The following CERT1 variants were observed in gnomAD, a reference collection of about 807,000 sequenced individuals.
The protein encoded by CERT1 is ceramide transporter 1.
CERT1 carries 31 observed loss-of-function variants against 87.9 expected under a neutral mutation model. The ratio of observed to expected loss-of-function variants is 0.35; its 90% CI spans 0.27 to 0.48. The LOEUF (loss-of-function observed/expected upper bound fraction) is 0.48. CERT1 is among the 20% of genes least tolerant of loss of function. CERT1 has a pLI of 0.99. For missense variants in CERT1, 487 were observed against 758.0 expected (o/e 0.64, Z 4.20); for synonymous variants, 289 against 250.9 (o/e 1.15, Z -1.44).
chr5:75,510,100 C>A (rs975803379), intron 1 of CERT1, among the ~76,000 whole-genome samples: 2 of 152,046 alleles, frequency 1.3e-5, no homozygotes, highest in Non-Finnish European at 2.9e-5. Flanking sequence ...AATATGAATA[C>A]TGGAAACAGG....
At chr5:75,396,367 A>T (rs1285698564) in intron 11 of CERT1, among the ~76,000 whole-genome samples, 1 of 152,236 alleles carries the variant, frequency 6.6e-6, no homozygotes, top group East Asian at 1.9e-4. Flanking sequence ...AAGATATTAT[A>T]AAACAAAGAA....
chr5:75,410,850 T>C (rs909157292), intron 8 of CERT1, 161 bp downstream of exon 8: 3 of 428,688 alleles, frequency 7.0e-6, no homozygotes, highest in African/African-American at 2.1e-5. Context: ...TGAGCATGCC[T>C]GGCATTTATA....
chr5:75,439,348 T>C (rs1334713786), intron 3 of CERT1, among the ~76,000 whole-genome samples: 1 of 151,900 alleles, frequency 6.6e-6, no homozygotes, highest in Non-Finnish European at 1.5e-5. Context: ...GAAAGTGGTA[T>C]AAAACATAGT....
In CERT1 at chr5:75,468,807, T is replaced by C. The variant is rs76596026; in HGVS notation, c.232-9626A>G. Among the ~76,000 whole-genome samples the C allele has an allele frequency of 2.1e-3, 317 of 152,316 alleles. 1 individual carries two copies. The East Asian group carries it at 0.027, about 13-fold the overall frequency. On this transcript the variant is annotated intron_variant, in intron 2 of 16. Transcript: ENST00000643780. ...ATGACCTGCCCAGGATCTAACAACATGCTTACTGATAAAGAGCCAGATAAA... is the reference window on the plus strand; with the variant it reads ...ATGACCTGCCCAGGATCTAACAACACGCTTACTGATAAAGAGCCAGATAAA...
At chr5:75,379,962 AG>A (rs949543804) in intron 16 of CERT1, among the ~76,000 whole-genome samples, 1 of 152,208 alleles carries the variant, frequency 6.6e-6, no homozygotes, top group Non-Finnish European at 1.5e-5. Context: ...CAAATAAGAA[AG>A]CATCTATAAC....
At chr5:75,375,758 A>AT (rs201765920), downstream of CERT1, 3 of 149,124 alleles carry the variant, frequency 2.0e-5, no homozygotes, top group Admixed American at 2.0e-4. Flanking sequence ...GAATGTTACT[A>AT]TTTTTTTCCA....
Position 75,379,119 on chromosome 5 carries a change from T to G in CERT1, c.*227A>C, listed in dbSNP as rs534529574. ...GATTGTTTGAGGCCAGAGGTTGAGGTTGCAGTGAGCCGTGATGGTGTCATT... is the reference window on the plus strand; with the variant it reads ...GATTGTTTGAGGCCAGAGGTTGAGGGTGCAGTGAGCCGTGATGGTGTCATT... On this transcript the variant is annotated 3_prime_UTR_variant, in exon 17 of 17. Transcript: ENST00000643780. 2.6e-4 allele frequency: 111 copies of G among 421,920 alleles called. No individual in the cohort carries two copies. Among genetic ancestry groups the G allele is most frequent in the African/African-American group, 2.1e-3 (106 of 49,694 alleles). 26.1% of individuals were successfully genotyped at this position (421,920 alleles called of 1,614,324 possible). A position where few individuals can be genotyped will look rare whatever the true frequency, so the allele number is the denominator to read the frequency against.
chr5:75,499,032 G>A (rs971568175), intron 2 of CERT1, among the ~76,000 whole-genome samples: 3 of 152,220 alleles, frequency 2.0e-5, no homozygotes, highest in Non-Finnish European at 2.9e-5. Context: ...TGGAGTCAAA[G>A]GAGATCATTT....
rs1194162986 is a variant in CERT1, at chr5:75,505,952, T to C, written c.231+30A>G. On this transcript the variant is annotated intron_variant, in intron 2 of 16. Coordinates refer to ENST00000643780, the MANE Select transcript of CERT1 (RefSeq NM_001379029.1). ...GTATGTAGCTGACACTCAATAAATA[T>C]TTGTTGAATGAAGAAGAAAAGGAAC... is the stretch of plus-strand genomic sequence containing the variant. 3 of 1,586,502 alleles carry C rather than the reference T, an allele frequency of 1.9e-6. No individual in the cohort carries two copies. The Admixed American group carries it at 5.0e-5, about 27-fold the overall frequency.
chr5:75,501,995 C>G (rs1251073656), intron 2 of CERT1, among the ~76,000 whole-genome samples: 1 of 151,958 alleles, frequency 6.6e-6, no homozygotes, highest in Non-Finnish European at 1.5e-5. Flanking sequence ...TCTAAGATTT[C>G]TCTAGGGCCT....
chr5:75,430,768 T>G (rs1763827866), intron 3 of CERT1, among the ~76,000 whole-genome samples: 1 of 151,092 alleles, frequency 6.6e-6, no homozygotes, highest in African/African-American at 2.4e-5. Flanking sequence ...TTAGGTGCAG[T>G]GGCTCACACC....
intron 2 of CERT1, among the ~76,000 whole-genome samples, chr5:75,504,008 G>A (rs1767536439): frequency 2.2e-5 from 2 of 91,156 alleles, no homozygotes. Context: ...AAACTAGCAT[G>A]GTACTCTAGG....
chr5:75,459,559 C>G (rs1765140757), intron 2 of CERT1, among the ~76,000 whole-genome samples: 1 of 152,102 alleles, frequency 6.6e-6, no homozygotes, highest in Non-Finnish European at 1.5e-5. Context: ...ATGGCATGAA[C>G]ACAGCCTCAC....
intron 3 of CERT1, among the ~76,000 whole-genome samples, chr5:75,437,021 A>G (rs908095039): frequency 2.6e-5 from 4 of 152,126 alleles, no homozygotes; most frequent in African/African-American, 4.8e-5. Context: ...GTTGGGGTCA[A>G]GCGATTCTCC....
At chr5:75,481,583 T>C (rs1201337269) in intron 2 of CERT1, among the ~76,000 whole-genome samples, 1 of 152,178 alleles carries the variant, frequency 6.6e-6, no homozygotes, top group Non-Finnish European at 1.5e-5. Context: ...AATAACTATA[T>C]CATCCCCAAA....
At chr5:75,496,680 G>A (rs1329738128) in intron 2 of CERT1, among the ~76,000 whole-genome samples, 2 of 152,186 alleles carry the variant, frequency 1.3e-5, no homozygotes, top group Non-Finnish European at 2.9e-5. Flanking sequence ...AACATGATGA[G>A]TAGTAAAAGC....
In CERT1 at chr5:75,511,554, G is replaced by A; in HGVS notation, c.-347C>T. On this transcript the variant is annotated 5_prime_UTR_variant, in exon 1 of 17. Coordinates refer to ENST00000643780, the MANE Select transcript of CERT1 (RefSeq NM_001379029.1). Reference sequence around the variant, plus strand: ...AAGGAAAAGGGAAAAGAAGGGAAGAGAAAATCCGGCCGCTGAGTCCCGCGT... The same window carrying A: ...AAGGAAAAGGGAAAAGAAGGGAAGAAAAAATCCGGCCGCTGAGTCCCGCGT... The A allele has an allele frequency of 6.9e-7, 1 of 1,458,418 alleles. No homozygotes were observed. The allele number at this position is 1,458,418 out of a possible 1,614,324, so 90.3% of individuals were successfully genotyped here.
chr5:75,467,694 A>G (rs903018135), intron 2 of CERT1, among the ~76,000 whole-genome samples: 4 of 152,054 alleles, frequency 2.6e-5, no homozygotes, highest in Non-Finnish European at 4.4e-5. Flanking sequence ...ATGGGGCAAT[A>G]AAACAGTTCT....
intron 3 of CERT1, among the ~76,000 whole-genome samples, chr5:75,428,669 C>G (rs1468289942): frequency 2.0e-5 from 3 of 146,520 alleles, no homozygotes; most frequent in African/African-American, 7.6e-5. Flanking sequence ...AAGAGCGAGA[C>G]TCTGTCTCAA....
Sources: gnomAD v4.1 joint callset for allele counts (sites outside exome capture counted in the v4.1 genomes callset) on GRCh38, gnomAD v4.1.1 for gene constraint, MANE v1.5 for transcripts, NCBI Gene and HGNC (gene_info 2026-07-23, HGNC 2026-07-21) for gene names.